Variants in P2RY14 observed in about 807,000 individuals in gnomAD.
The protein encoded by P2RY14 is P2Y purinoceptor 14.
P2RY14 carries 2 observed loss-of-function variants against 0.9 expected under a neutral mutation model. That is an observed-to-expected ratio of 2.16 (90% CI 0.88 to 6.79). The LOEUF is 6.79. P2RY14 is among the 30% of genes most tolerant of loss of function. The pLI, the probability that P2RY14 is intolerant of heterozygous loss-of-function variation, is 0.05. For missense variants in P2RY14, 378 were observed against 400.1 expected, an observed-to-expected ratio of 0.94 and a Z score of 0.47; for synonymous variants, 158 against 147.2, an observed-to-expected ratio of 1.07 and a Z score of -0.53.
chr3:151,223,267 T>C (rs182931896), intron 1 of P2RY14, among the ~76,000 whole-genome samples: 18 of 151,390 alleles, frequency 1.2e-4, no homozygotes, highest in South Asian at 2.1e-4. Flanking sequence ...TCAGTCCCTA[T>C]TGAAAGCAGT....
At chr3:151,229,572 G>A (rs979255862) in intron 1 of P2RY14, among the ~76,000 whole-genome samples, 9 of 146,884 alleles carry the variant, frequency 6.1e-5, no homozygotes, top group African/African-American at 2.0e-4. Context: ...TCCGCCTCCC[G>A]GGTTCATGCC....
chr3:151,219,248 C>T (rs758182384), intron 2 of P2RY14, among the ~76,000 whole-genome samples: 1 of 152,104 alleles, frequency 6.6e-6, no homozygotes, highest in African/African-American at 2.4e-5. Flanking sequence ...TACAGATAAC[C>T]TCAGGGTTCT....
At chr3:151,270,827 A>G (rs1740803200) in intron 1 of P2RY14, among the ~76,000 whole-genome samples, 1 of 152,192 alleles carries the variant, frequency 6.6e-6, no homozygotes, top group Non-Finnish European at 1.5e-5. Context: ...CTGCCACTCG[A>G]TGGGACAATC....
chr3:151,250,480 C>A (rs74485012), intron 1 of P2RY14, among the ~76,000 whole-genome samples: 3 of 152,090 alleles, frequency 2.0e-5, no homozygotes, highest in Non-Finnish European at 4.4e-5. Flanking sequence ...TTCTTCTCTA[C>A]GAAGTTGAAT....
Position 151,277,961 on chromosome 3 carries a change from G to A in P2RY14, c.-133+326C>T, listed in dbSNP as rs1054294320. Among the ~76,000 whole-genome samples the A allele has an allele frequency of 3.9e-5, 6 of 152,198 alleles. No homozygotes were observed. The East Asian group carries it at 5.8e-4, about 15-fold the overall frequency. On this transcript the variant is annotated intron_variant, in intron 1 of 2. Coordinates refer to ENST00000309170, the MANE Select transcript of P2RY14 (RefSeq NM_014879.4). ...AGAAGCAATTTTAATACACATTTAC[G>A]AGCTTTTGAAATGTTTGTCCTGGAT...
chr3:151,255,952 A>C (rs1229628076), intron 1 of P2RY14, among the ~76,000 whole-genome samples: 1 of 152,152 alleles, frequency 6.6e-6, no homozygotes, highest in African/African-American at 2.4e-5. Flanking sequence ...CGTAAGGTGT[A>C]TTTTCTTACT....
chr3:151,263,089 G>A (rs1739203151), intron 1 of P2RY14, among the ~76,000 whole-genome samples: 1 of 152,132 alleles, frequency 6.6e-6, no homozygotes, highest in African/African-American at 2.4e-5. Context: ...GAGTACATGG[G>A]GTTGACGAGT....
chr3:151,215,474 CT>C (rs1728027496), intron 2 of P2RY14, among the ~76,000 whole-genome samples: 1 of 152,054 alleles, frequency 6.6e-6, no homozygotes, highest in Non-Finnish European at 1.5e-5. Context: ...CTTAATTTTA[CT>C]TTTTAAGACT....
At chr3:151,261,892 T>C (rs1738985805) in intron 1 of P2RY14, among the ~76,000 whole-genome samples, 1 of 151,808 alleles carries the variant, frequency 6.6e-6, no homozygotes, top group Admixed American at 6.6e-5. Context: ...GCCTGGCTAA[T>C]TTTTTTGTAT....
At chr3:151,265,612 T>C (rs1347881210) in intron 1 of P2RY14, among the ~76,000 whole-genome samples, 1 of 152,176 alleles carries the variant, frequency 6.6e-6, no homozygotes, top group Non-Finnish European at 1.5e-5. Context: ...TACAGCAGGC[T>C]CATCATAAGA....
chr3:151,226,835 G>A (rs532437853), intron 1 of P2RY14, among the ~76,000 whole-genome samples: 41 of 152,224 alleles, frequency 2.7e-4, no homozygotes, highest in South Asian at 1.4e-3. Context: ...TATCTCCTGC[G>A]TTGATATCCA....
chr3:151,213,403 A>G lies in P2RY14; in HGVS notation c.914T>C (p.Ile305Thr), dbSNP rs1306213470. ...TGGAATGTGCAATTTCTTACATAAG[A>G]TTTCCCTAAACGGCTGGCATAGAAA... ...YFFLCQPFREILCKKLHIPLK... is the reference protein window; with the variant it reads ...YFFLCQPFRETLCKKLHIPLK... Residue 305 changes from isoleucine (I) to threonine (T), a missense_variant, in exon 3 of 3, where the codon ATC (isoleucine) becomes ACC (threonine). Transcript: ENST00000309170. 1 of 1,614,060 alleles carries G rather than the reference A, an allele frequency of 6.2e-7. No homozygotes were observed. Among genetic ancestry groups the G allele is most frequent in the South Asian group, 1.1e-5 (1 of 91,072 alleles).
intron 1 of P2RY14, among the ~76,000 whole-genome samples, chr3:151,274,492 G>A (rs1186185593): frequency 6.6e-6 from 1 of 152,078 alleles, no homozygotes; most frequent in African/African-American, 2.4e-5. Context: ...AGGCAGTTTT[G>A]GGGGCCAGGA....
At chr3:151,240,968 G>A (rs997182059) in intron 1 of P2RY14, among the ~76,000 whole-genome samples, 2 of 152,156 alleles carry the variant, frequency 1.3e-5, no homozygotes, top group Non-Finnish European at 2.9e-5. Context: ...GTGAAACAGG[G>A]GCAAGAATAG....
rs530585221 is a variant in P2RY14 at position 151,258,551 on chromosome 3, G to T, written c.-133+19736C>A. Among the ~76,000 whole-genome samples the T allele has an allele frequency of 2.0e-5, 3 of 152,156 alleles. No homozygotes were observed. In the East Asian group the frequency reaches 5.8e-4, roughly 29 times the overall value. Reference sequence around the variant, plus strand: ...TTTTGAATGACTGCTAAATCTCTAGGGCTGTGGTGCATCCTGAGGAACTTG... The same window carrying T: ...TTTTGAATGACTGCTAAATCTCTAGTGCTGTGGTGCATCCTGAGGAACTTG... On this transcript the variant is annotated intron_variant, in intron 1 of 2. Coordinates refer to ENST00000309170, the MANE Select transcript of P2RY14 (RefSeq NM_014879.4).
chr3:151,230,033 G>A (rs954657525), intron 1 of P2RY14, among the ~76,000 whole-genome samples: 2 of 151,882 alleles, frequency 1.3e-5, no homozygotes, highest in Non-Finnish European at 2.9e-5. Context: ...GCAGTGGTGC[G>A]ATCTCAGCTC....
At chr3:151,259,202 C>CGTAA (rs1162908759) in intron 1 of P2RY14, among the ~76,000 whole-genome samples, 22 of 152,194 alleles carry the variant, frequency 1.4e-4, no homozygotes, top group Non-Finnish European at 2.4e-4. Context: ...TGTAGGATTA[C>CGTAA]GGCCACACAA....
intron 1 of P2RY14, among the ~76,000 whole-genome samples, chr3:151,248,694 C>G (rs889069612): frequency 1.3e-5 from 2 of 152,086 alleles, no homozygotes; most frequent in Non-Finnish European, 2.9e-5. Flanking sequence ...GAAAATTTAA[C>G]TAGACTTGGT....
chr3:151,246,623 A>C (rs1363992507), intron 1 of P2RY14, among the ~76,000 whole-genome samples: 1 of 152,206 alleles, frequency 6.6e-6, no homozygotes, highest in Non-Finnish European at 1.5e-5. Context: ...AATCAATTCA[A>C]GATGGATTAA....
Sources: gnomAD v4.1 joint callset for allele counts (sites outside exome capture counted in the v4.1 genomes callset) on GRCh38, gnomAD v4.1.1 for gene constraint, MANE v1.5 for transcripts, NCBI Gene and HGNC (gene_info 2026-07-23, HGNC 2026-07-21) for gene names.